EYS: variants seen among roughly 807,000 people sequenced by gnomAD.
EYS encodes the protein protein eyes shut homolog.
A neutral mutation model predicts 282.1 loss-of-function variants in EYS; 250 were observed. The ratio of observed to expected loss-of-function variants is 0.89; its 90% confidence interval spans 0.80 to 0.98. The LOEUF is 0.98. EYS is among the 50% of genes least tolerant of loss of function. The probability of loss-of-function intolerance (pLI) is 0.00; values close to 1 mark genes in which losing one functional copy is unlikely to be tolerated. For missense variants in EYS, 4,016 were observed against 3,709.0 expected, an observed-to-expected ratio of 1.08 and a Z score of -2.15; for synonymous variants, 1,355 against 1,282.9, an observed-to-expected ratio of 1.06 and a Z score of -1.20.
intron 35 of EYS, among the ~76,000 whole-genome samples, chr6:63,969,886 T>C (rs1042379256): frequency 6.6e-6 from 1 of 152,250 alleles, no homozygotes; most frequent in Non-Finnish European, 1.5e-5. Flanking sequence ...ATTTGCTGTT[T>C]AATGCCATTC....
intron 29 of EYS, among the ~76,000 whole-genome samples, chr6:64,334,001 G>C (rs961147736): frequency 1.3e-5 from 2 of 152,154 alleles, no homozygotes; most frequent in African/African-American, 4.8e-5. Flanking sequence ...AGCTATTAAG[G>C]AACCCCATCA....
At chr6:63,814,183 C>A (rs1275408553) in intron 36 of EYS, among the ~76,000 whole-genome samples, 1 of 152,146 alleles carries the variant, frequency 6.6e-6, no homozygotes. Flanking sequence ...CACTGTTCAG[C>A]ATTATCATTT....
At chr6:63,970,334 G>A (rs1260743978) in intron 35 of EYS, among the ~76,000 whole-genome samples, 1 of 152,142 alleles carries the variant, frequency 6.6e-6, no homozygotes, top group Non-Finnish European at 1.5e-5. Flanking sequence ...TGGTTCCCAA[G>A]ATAGAAGATC....
At chr6:64,708,154 A>G (rs1454245717) in intron 22 of EYS, among the ~76,000 whole-genome samples, 1 of 152,212 alleles carries the variant, frequency 6.6e-6, no homozygotes, top group Non-Finnish European at 1.5e-5. Flanking sequence ...GCAGGCCTGA[A>G]AAAATGAGTA....
At chr6:64,228,382 A>G (rs1413598863) in intron 31 of EYS, among the ~76,000 whole-genome samples, 1 of 152,092 alleles carries the variant, frequency 6.6e-6, no homozygotes, top group African/African-American at 2.4e-5. Flanking sequence ...AAAATTACGG[A>G]TAATATTATG....
At position 64,259,650 on chromosome 6, in the gene EYS, G is replaced by GCA. The variant is rs1554222995; in HGVS notation, c.6192-28828_6192-28827dup. Among the ~76,000 whole-genome samples, 1,039 of 145,698 alleles carry GCA rather than the reference G, an allele frequency of 7.1e-3. 17 individuals are homozygous for GCA. Among genetic ancestry groups the GCA allele is most frequent in the African/African-American group, 0.018 (717 of 39,418 alleles). On this transcript the variant is annotated intron_variant, in intron 30 of 42. Coordinates refer to ENST00000503581, the MANE Select transcript of EYS (RefSeq NM_001142800.2). ...TCTCTCCCAGTACTTTTACACACGC[G>GCA]CACACACACACACACACACACACAC...
At chr6:64,594,983 C>T (rs1347509020) in intron 24 of EYS, among the ~76,000 whole-genome samples, 14 of 151,956 alleles carry the variant, frequency 9.2e-5, no homozygotes, top group Admixed American at 9.2e-4. Context: ...CAAAACTAGA[C>T]AAGAACATAA....
chr6:63,787,222 C>T (rs1253396893), intron 39 of EYS: 1 of 152,194 alleles, frequency 6.6e-6, no homozygotes, highest in Non-Finnish European at 1.5e-5. Context: ...GAACACGGAA[C>T]TATTTGAACA....
intron 13 of EYS, among the ~76,000 whole-genome samples, chr6:65,046,253 C>G (rs1010543645): frequency 1.3e-5 from 2 of 151,838 alleles, no homozygotes; most frequent in South Asian, 4.1e-4. Flanking sequence ...AACTGGACTT[C>G]AATAGTGCCT....
intron 35 of EYS, among the ~76,000 whole-genome samples, chr6:63,945,034 T>C (rs1765354759): frequency 6.6e-6 from 1 of 152,248 alleles, no homozygotes; most frequent in Admixed American, 6.5e-5. Flanking sequence ...TATTTGGTTA[T>C]ACGGAAGTAA....
At chr6:65,334,805 T>A (rs959271224) in intron 11 of EYS, 175 bp downstream of exon 11, 6 of 579,828 alleles carry the variant, frequency 1.0e-5, no homozygotes, top group Non-Finnish European at 1.8e-5. Context: ...ATACATAACA[T>A]GTATTATGTA....
chr6:64,444,453 A>C (rs1261958163), intron 26 of EYS, among the ~76,000 whole-genome samples: 1 of 152,136 alleles, frequency 6.6e-6, no homozygotes, highest in African/African-American at 2.4e-5. Flanking sequence ...ACAATAAAAA[A>C]CTCAAAAACT....
chr6:64,864,076 C>T (rs1313165527), intron 19 of EYS, among the ~76,000 whole-genome samples: 2 of 151,930 alleles, frequency 1.3e-5, no homozygotes, highest in East Asian at 1.9e-4. Flanking sequence ...CATTGAAAAG[C>T]CTTTAAAATA....
At chr6:65,609,814 A>T (rs1300009932) in intron 2 of EYS, among the ~76,000 whole-genome samples, 1 of 152,164 alleles carries the variant, frequency 6.6e-6, no homozygotes, top group Non-Finnish European at 1.5e-5. Context: ...CAAGTTACAT[A>T]AAACTAAATT....
At chr6:65,423,811 A>C (rs1166711149) in intron 5 of EYS, among the ~76,000 whole-genome samples, 1 of 151,928 alleles carries the variant, frequency 6.6e-6, no homozygotes, top group Non-Finnish European at 1.5e-5. Context: ...AATTTACTTA[A>C]GATATTTTAT....
intron 26 of EYS, among the ~76,000 whole-genome samples, chr6:64,501,522 A>G (rs1777044286): frequency 6.6e-6 from 1 of 152,082 alleles, no homozygotes; most frequent in Non-Finnish European, 1.5e-5. Context: ...GAACATCCTC[A>G]TTAAAAAAAG....
intron 26 of EYS, among the ~76,000 whole-genome samples, chr6:64,440,313 C>T (rs3904917): frequency 0.28 from 42,106 of 151,740 alleles, 5,970 homozygotes; most frequent in East Asian, 0.47. Flanking sequence ...TTTAATGATG[C>T]TTTAGAATTA....
At chr6:65,167,545 C>T (rs1273713249) in intron 12 of EYS, among the ~76,000 whole-genome samples, 3 of 151,010 alleles carry the variant, frequency 2.0e-5, no homozygotes, top group East Asian at 3.9e-4. Flanking sequence ...ATGAAATGCC[C>T]AGGGGACTAT....
chr6:65,234,541 A>T (rs1244006678), intron 12 of EYS, among the ~76,000 whole-genome samples: 1 of 152,182 alleles, frequency 6.6e-6, no homozygotes, highest in African/African-American at 2.4e-5. Flanking sequence ...ACAGCATTAA[A>T]ACACATTTCC....
Sources: gnomAD v4.1 joint callset for allele counts (sites outside exome capture counted in the v4.1 genomes callset) on GRCh38, gnomAD v4.1.1 for gene constraint, MANE v1.5 for transcripts, NCBI Gene and HGNC (gene_info 2026-07-23, HGNC 2026-07-21) for gene names.